FRMD3: variants seen among roughly 807,000 people sequenced by gnomAD.
The protein encoded by FRMD3 is FERM domain containing 3, also known as FERM domain-containing protein 3.
A neutral mutation model predicts 70.2 loss-of-function variants in FRMD3; 33 were observed. That is an observed-to-expected ratio of 0.47 (90% CI 0.36 to 0.63). The LOEUF (loss-of-function observed/expected upper bound fraction) is 0.63, where lower values mean the gene tolerates loss of function less well. FRMD3 is among the 20% of genes least tolerant of loss of function. The probability of loss-of-function intolerance (pLI) is 0.00; values close to 1 mark genes in which losing one functional copy is unlikely to be tolerated. For synonymous variants in FRMD3, 279 were observed against 255.9 expected (o/e 1.09, Z -0.86); for missense variants, 632 against 711.4 (o/e 0.89, Z 1.27).
At chr9:83,263,340 T>G (rs1833075033) in intron 13 of FRMD3, among the ~76,000 whole-genome samples, 1 of 152,262 alleles carries the variant, frequency 6.6e-6, no homozygotes, top group Admixed American at 6.5e-5. Context: ...TCATACCATC[T>G]TCTGGATCTC....
chr9:83,269,171 A>G (rs891770214), intron 13 of FRMD3, among the ~76,000 whole-genome samples: 3 of 152,254 alleles, frequency 2.0e-5, no homozygotes, highest in African/African-American at 7.2e-5. Context: ...GCAGTAGGCC[A>G]TGGCTCAATA....
intron 13 of FRMD3, among the ~76,000 whole-genome samples, chr9:83,283,387 C>T (rs966569566): frequency 1.3e-5 from 2 of 151,908 alleles, no homozygotes; most frequent in Non-Finnish European, 2.9e-5. Context: ...AAAAATTAGC[C>T]AGGCGTGGTG....
chr9:83,444,653 G>C (rs1346732015), intron 1 of FRMD3, among the ~76,000 whole-genome samples: 2 of 152,150 alleles, frequency 1.3e-5, no homozygotes, highest in Non-Finnish European at 2.9e-5. Context: ...TCAGGTTCTA[G>C]AGGTCCTATG....
the FRMD3 span, among the ~76,000 whole-genome samples, chr9:83,559,367 G>A: frequency 1.3e-5 from 2 of 152,160 alleles, no homozygotes; most frequent in Non-Finnish European, 2.9e-5. Flanking sequence ...TATGTACATT[G>A]TTTTTTAAAC....
chr9:83,448,365 G>A (rs1403910060), intron 1 of FRMD3, among the ~76,000 whole-genome samples: 1 of 152,112 alleles, frequency 6.6e-6, no homozygotes. Flanking sequence ...ACCCTATCAT[G>A]GCATCATACA....
At chr9:83,375,388 C>A (rs1432157849) in intron 2 of FRMD3, among the ~76,000 whole-genome samples, 3 of 152,214 alleles carry the variant, frequency 2.0e-5, no homozygotes, top group South Asian at 2.1e-4. Flanking sequence ...TAACCACACC[C>A]TACATTTGCC....
intron 1 of FRMD3, chr9:83,467,862 G>T (rs1828170904): frequency 4.0e-6 from 5 of 1,253,896 alleles, no homozygotes; most frequent in Middle Eastern, 2.5e-4. Flanking sequence ...TTTTAAAAAA[G>T]TTACAAACAT....
At chr9:83,552,876 G>A in the FRMD3 span, among the ~76,000 whole-genome samples, 1 of 152,118 alleles carries the variant, frequency 6.6e-6, no homozygotes, top group East Asian at 1.9e-4. Flanking sequence ...CATTTTGGGT[G>A]AGATGGGTCT....
the FRMD3 span, among the ~76,000 whole-genome samples, chr9:83,567,414 C>A: frequency 2.9e-4 from 44 of 152,278 alleles, no homozygotes; most frequent in African/African-American, 9.9e-4. Context: ...AGACATTTTC[C>A]CCATGGTCTT....
intron 1 of FRMD3, among the ~76,000 whole-genome samples, chr9:83,445,343 T>TA (rs1421926828): frequency 7.4e-6 from 1 of 135,706 alleles, no homozygotes; most frequent in African/African-American, 3.1e-5. Context: ...CAAAAATAAA[T>TA]AGATAGATAG....
chr9:83,423,237 A>C (rs1826695550), intron 1 of FRMD3, among the ~76,000 whole-genome samples: 1 of 152,182 alleles, frequency 6.6e-6, no homozygotes, highest in Non-Finnish European at 1.5e-5. Context: ...TTTCATTGTT[A>C]AGTTTATTTT....
the FRMD3 span, among the ~76,000 whole-genome samples, chr9:83,559,849 A>T: frequency 3.9e-5 from 6 of 152,218 alleles, no homozygotes; most frequent in Non-Finnish European, 8.8e-5. Flanking sequence ...ATTAAAAATT[A>T]AAAATATTTT....
At chr9:83,491,468 G>A (rs1458922783) in intron 1 of FRMD3, among the ~76,000 whole-genome samples, 1 of 152,208 alleles carries the variant, frequency 6.6e-6, no homozygotes, top group Non-Finnish European at 1.5e-5. Context: ...TGCCCTACCT[G>A]AGTAATGAAT....
At chr9:83,552,575 T>C in the FRMD3 span, among the ~76,000 whole-genome samples, 3,079 of 152,254 alleles carry the variant, frequency 0.02, 110 homozygotes, top group African/African-American at 0.07. Flanking sequence ...TGTTGAAGTC[T>C]CCCACTATTA....
chr9:83,351,323 T>TACACACACACACACACACACAC lies in FRMD3; in HGVS notation c.296-1588_296-1567dup, dbSNP rs56407249. On this transcript the variant is annotated intron_variant, in intron 3 of 13. Coordinates refer to ENST00000304195, the MANE Select transcript of FRMD3 (RefSeq NM_174938.6). ...GATCTCAGCAGAGAAAAACTGATCA[T>TACACACACACACACACACACAC]ACACACACACACACACACACACACA... Among the ~76,000 whole-genome samples the TACACACACACACACACACACAC allele has an allele frequency of 5.5e-3, 786 of 143,862 alleles. 10 individuals are homozygous for TACACACACACACACACACACAC. The highest frequency in any genetic ancestry group is 0.014 in the Middle Eastern group (4 of 280). 94.4% of individuals were successfully genotyped at this position (143,862 alleles called of 152,430 possible).
At chr9:83,396,031 A>G (rs1229535869) in intron 1 of FRMD3, among the ~76,000 whole-genome samples, 4 of 152,240 alleles carry the variant, frequency 2.6e-5, no homozygotes, top group African/African-American at 9.6e-5. Flanking sequence ...ATCTCTTGAC[A>G]ACCCATTGGG....
At chr9:83,381,352 C>G (rs1262549194) in intron 2 of FRMD3, among the ~76,000 whole-genome samples, 4 of 152,226 alleles carry the variant, frequency 2.6e-5, no homozygotes, top group African/African-American at 9.6e-5. Flanking sequence ...GTCAGGAGAT[C>G]GAGACTGTCC....
At chr9:83,329,742 G>A (rs1050323800) in intron 6 of FRMD3, among the ~76,000 whole-genome samples, 1 of 152,150 alleles carries the variant, frequency 6.6e-6, no homozygotes, top group African/African-American at 2.4e-5. Context: ...CAAGGGCAAG[G>A]AATATACTTC....
At chr9:83,269,283 A>T (rs140576891) in intron 13 of FRMD3, among the ~76,000 whole-genome samples, 1 of 152,230 alleles carries the variant, frequency 6.6e-6, no homozygotes, top group Admixed American at 6.5e-5. Context: ...CACTTGAAAC[A>T]AACAGACCTT....
Sources: gnomAD v4.1 joint callset for allele counts (sites outside exome capture counted in the v4.1 genomes callset) on GRCh38, gnomAD v4.1.1 for gene constraint, MANE v1.5 for transcripts, NCBI Gene and HGNC (gene_info 2026-07-23, HGNC 2026-07-21) for gene names.